Variants in PDE4D observed in about 807,000 individuals in gnomAD.
PDE4D encodes the protein 3',5'-cyclic-AMP phosphodiesterase 4D.
PDE4D carries 24 observed loss-of-function variants against 87.4 expected under a neutral mutation model. The ratio of observed to expected loss-of-function variants is 0.27; its 90% CI spans 0.20 to 0.39. The LOEUF (loss-of-function observed/expected upper bound fraction) is 0.39, where lower values mean the gene tolerates loss of function less well. PDE4D is among the 10% of genes least tolerant of loss of function. The pLI, the probability that PDE4D is intolerant of heterozygous loss-of-function variation, is 1.00. For synonymous variants in PDE4D, 384 were observed against 383.2 expected (o/e 1.00, Z -0.02); for missense variants, 714 against 1,041.0 (o/e 0.69, Z 4.32).
At chr5:59,850,911 T>C (rs1223772342) in intron 1 of PDE4D, among the ~76,000 whole-genome samples, 3 of 152,056 alleles carry the variant, frequency 2.0e-5, no homozygotes, top group Non-Finnish European at 4.4e-5. Context: ...GTTTTGTTGT[T>C]GTTAACTGAG....
chr5:59,053,645 G>T (rs143120138), intron 5 of PDE4D, among the ~76,000 whole-genome samples: 4,434 of 67,834 alleles, frequency 0.065, 185 homozygotes, highest in Middle Eastern at 0.087. Context: ...TTTGTTTTTT[G>T]TTTTTTTTTG....
At chr5:60,061,121 G>A (rs1771358960) in intron 2 of PDE4D, among the ~76,000 whole-genome samples, 1 of 152,032 alleles carries the variant, frequency 6.6e-6, no homozygotes, top group Non-Finnish European at 1.5e-5. Flanking sequence ...TATTCAAATA[G>A]GAAAAGAGAA....
At chr5:59,240,998 T>C (rs1402909285) in intron 1 of PDE4D, among the ~76,000 whole-genome samples, 1 of 152,142 alleles carries the variant, frequency 6.6e-6, no homozygotes. Flanking sequence ...GTGATGAGTC[T>C]TTATGAGATT....
chr5:59,062,441 G>C (rs758612109), intron 5 of PDE4D, among the ~76,000 whole-genome samples: 10 of 152,040 alleles, frequency 6.6e-5, no homozygotes, highest in Admixed American at 1.3e-4. Context: ...GTTAGAACTC[G>C]AAGTAAAAAG....
intron 2 of PDE4D, among the ~76,000 whole-genome samples, chr5:60,070,284 C>T (rs555508760): frequency 2.6e-5 from 4 of 152,096 alleles, no homozygotes; most frequent in South Asian, 2.1e-4. Flanking sequence ...AGCCTTCATT[C>T]GGTTTTTCAC....
intron 1 of PDE4D, among the ~76,000 whole-genome samples, chr5:59,449,958 G>A (rs1357516719): frequency 6.6e-6 from 1 of 152,154 alleles, no homozygotes; most frequent in Non-Finnish European, 1.5e-5. Flanking sequence ...CTACCCAAGG[G>A]CACACATATC....
intron 1 of PDE4D, among the ~76,000 whole-genome samples, chr5:59,873,571 T>C (rs1220997410): frequency 6.6e-6 from 1 of 152,216 alleles, no homozygotes; most frequent in African/African-American, 2.4e-5. Context: ...TAGCAATATT[T>C]TACAACTTTT....
At chr5:59,661,682 A>G (rs1745275346) in intron 1 of PDE4D, among the ~76,000 whole-genome samples, 1 of 152,222 alleles carries the variant, frequency 6.6e-6, no homozygotes, top group Non-Finnish European at 1.5e-5. Flanking sequence ...TCTAGAAAAA[A>G]TCACACATAG....
chr5:59,532,317 T>C (rs891293543), intron 1 of PDE4D, among the ~76,000 whole-genome samples: 2 of 152,126 alleles, frequency 1.3e-5, no homozygotes, highest in Non-Finnish European at 2.9e-5. Context: ...TCTGTATTTT[T>C]AGTAGAGATG....
intron 1 of PDE4D, among the ~76,000 whole-genome samples, chr5:59,689,653 C>A (rs1750559006): frequency 6.6e-6 from 1 of 152,012 alleles, no homozygotes; most frequent in African/African-American, 2.4e-5. Flanking sequence ...CCCTTTGAAA[C>A]CTGGCACAAG....
intron 1 of PDE4D, among the ~76,000 whole-genome samples, chr5:59,221,747 G>A (rs569087647): frequency 2.0e-5 from 3 of 152,236 alleles, no homozygotes; most frequent in East Asian, 1.9e-4. Flanking sequence ...CCCATTTGGC[G>A]GGTTTCTTTA....
At chr5:60,131,227 T>A (rs970534458) in intron 2 of PDE4D, among the ~76,000 whole-genome samples, 7 of 152,194 alleles carry the variant, frequency 4.6e-5, no homozygotes, top group African/African-American at 1.4e-4. Context: ...GTTGAAGTGA[T>A]GGTAAATACC....
intron 1 of PDE4D, among the ~76,000 whole-genome samples, chr5:59,302,373 T>A (rs990610978): frequency 6.6e-6 from 1 of 152,200 alleles, no homozygotes. Context: ...AATCTATTAC[T>A]TTTTATAAAA....
chr5:59,398,903 G>A lies in PDE4D; in HGVS notation c.456-182935C>T, dbSNP rs1186938909. On this transcript the variant is annotated intron_variant, in intron 1 of 14. Coordinates refer to ENST00000340635, the MANE Select transcript of PDE4D (RefSeq NM_001104631.2). ...CAAAGTCTCAGGATACAAAATCAAT[G>A]TACAAAAATCACAAGCATTCTTATA... Among the ~76,000 whole-genome samples the A allele has an allele frequency of 2.2e-4, 26 of 120,734 alleles. 1 individual carries two copies. Among genetic ancestry groups the A allele is most frequent in the South Asian group, 2.9e-4 (1 of 3,476 alleles). The allele number at this position is 120,734 out of a possible 152,430, so 79.2% of individuals were successfully genotyped here.
chr5:59,100,972 G>T (rs958058815), intron 5 of PDE4D, among the ~76,000 whole-genome samples: 11 of 152,098 alleles, frequency 7.2e-5, no homozygotes, highest in Admixed American at 2.0e-4. Flanking sequence ...TGGTATGAAG[G>T]CTTCTGCCAC....
At chr5:60,222,458 A>T (rs1298802970) in intron 1 of PDE4D, among the ~76,000 whole-genome samples, 1 of 152,180 alleles carries the variant, frequency 6.6e-6, no homozygotes, top group Non-Finnish European at 1.5e-5. Context: ...TATTCTTGTT[A>T]TAAGCCATTA....
chr5:59,483,169 A>G (rs142117200), intron 1 of PDE4D, among the ~76,000 whole-genome samples: 3 of 152,290 alleles, frequency 2.0e-5, no homozygotes, highest in Admixed American at 6.5e-5. Flanking sequence ...CAGCTTTCAG[A>G]CTGGAACTTA....
intron 1 of PDE4D, among the ~76,000 whole-genome samples, chr5:60,207,167 G>T (rs776859418): frequency 9.2e-5 from 14 of 152,146 alleles, no homozygotes; most frequent in Non-Finnish European, 1.6e-4. Context: ...ACTAGTAAAC[G>T]GGTGCCTAAC....
intron 1 of PDE4D, among the ~76,000 whole-genome samples, chr5:59,249,659 T>A (rs1046413458): frequency 6.6e-6 from 1 of 152,126 alleles, no homozygotes; most frequent in Non-Finnish European, 1.5e-5. Flanking sequence ...AAAATGCTCA[T>A]GATAAAATGC....
Sources: allele counts gnomAD v4.1 joint callset (sites outside exome capture counted in the v4.1 genomes callset), GRCh38; gene constraint gnomAD v4.1.1; transcripts MANE v1.5; gene names NCBI Gene and HGNC (gene_info 2026-07-23, HGNC 2026-07-21).